Variants in CACNA1C observed in about 807,000 individuals in gnomAD.
CACNA1C encodes voltage-dependent L-type calcium channel subunit alpha-1C.
CACNA1C carries 30 observed loss-of-function variants against 229.0 expected under a neutral mutation model. The observed-to-expected ratio is 0.13, with a 90% CI of 0.10 to 0.18. The LOEUF (loss-of-function observed/expected upper bound fraction) is 0.18, where lower values mean the gene tolerates loss of function less well. CACNA1C is among the 10% of genes least tolerant of loss of function. The pLI is 1.00. For missense variants in CACNA1C, 1,658 were observed against 2,845.0 expected (o/e 0.58, Z 9.49); for synonymous variants, 1,114 against 1,132.5 (o/e 0.98, Z 0.33).
At chr12:2,199,137 A>G (rs1413921022) in intron 3 of CACNA1C, among the ~76,000 whole-genome samples, 3 of 150,458 alleles carry the variant, frequency 2.0e-5, no homozygotes, top group Non-Finnish European at 4.4e-5. Context: ...CATCCCCTCA[A>G]CTCCCCTCCC....
At chr12:2,335,811 A>G (rs2096674272) in intron 3 of CACNA1C, among the ~76,000 whole-genome samples, 1 of 152,224 alleles carries the variant, frequency 6.6e-6, no homozygotes, top group Non-Finnish European at 1.5e-5. Flanking sequence ...GGAGAGACGC[A>G]GGATGAAGAA....
intron 1 of CACNA1C, among the ~76,000 whole-genome samples, chr12:2,066,622 G>A (rs1413685957): frequency 1.3e-5 from 2 of 152,142 alleles, no homozygotes; most frequent in Non-Finnish European, 2.9e-5. Flanking sequence ...AGCACATGGG[G>A]ACCACTCTTT....
chr12:2,411,147 C>T (rs999479307), intron 3 of CACNA1C, among the ~76,000 whole-genome samples: 1 of 152,162 alleles, frequency 6.6e-6, no homozygotes, highest in Non-Finnish European at 1.5e-5. Flanking sequence ...AGCCTGCCTC[C>T]TCCCCACCTC....
At chr12:2,524,274 C>T (rs2099814888) in intron 9 of CACNA1C, among the ~76,000 whole-genome samples, 1 of 152,200 alleles carries the variant, frequency 6.6e-6, no homozygotes, top group Admixed American at 6.5e-5. Context: ...TAAGTCCCAA[C>T]AGGGCACCCA....
intron 3 of CACNA1C, among the ~76,000 whole-genome samples, chr12:2,439,171 A>T (rs1457718988): frequency 6.6e-6 from 1 of 152,140 alleles, no homozygotes; most frequent in Non-Finnish European, 1.5e-5. Context: ...CAGCCCTGGG[A>T]TAGAGGAGGT....
At chr12:2,377,078 T>C in intron 3 of CACNA1C, among the ~76,000 whole-genome samples, 1 of 151,874 alleles carries the variant, frequency 6.6e-6, no homozygotes, top group Middle Eastern at 3.2e-3. Context: ...GAGGGGCAGC[T>C]CCCCAGCTGG....
At chr12:2,164,767 G>A (rs1299231356) in intron 3 of CACNA1C, among the ~76,000 whole-genome samples, 1 of 152,200 alleles carries the variant, frequency 6.6e-6, no homozygotes, top group Non-Finnish European at 1.5e-5. Context: ...ACCTTGTTAA[G>A]TACCACTTTC....
chr12:2,572,358 C>T (rs2055339514), intron 13 of CACNA1C, among the ~76,000 whole-genome samples: 1 of 79,392 alleles, frequency 1.3e-5, no homozygotes, highest in African/African-American at 5.0e-5. Flanking sequence ...CTCCTCCTCT[C>T]CTCCTCCTTC....
intron 5 of CACNA1C, among the ~76,000 whole-genome samples, chr12:2,468,370 C>T (rs1186848875): frequency 1.3e-5 from 2 of 152,232 alleles, no homozygotes; most frequent in African/African-American, 4.8e-5. Flanking sequence ...CCTCCAACTA[C>T]AAGCAATATT....
chr12:2,457,767 C>G (rs746537936), intron 5 of CACNA1C, 61 bp downstream of exon 5: 2 of 1,391,554 alleles, frequency 1.4e-6, no homozygotes, highest in Non-Finnish European at 1.9e-6. Context: ...CTGTCCTTTG[C>G]TGAATTGCCA....
intron 3 of CACNA1C, among the ~76,000 whole-genome samples, chr12:2,267,384 A>G (rs970715722): frequency 1.3e-5 from 2 of 152,194 alleles, no homozygotes; most frequent in South Asian, 4.1e-4. Flanking sequence ...AGATCACTCA[A>G]CTAGGAACTA....
intron 1 of CACNA1C, among the ~76,000 whole-genome samples, chr12:2,065,937 G>A (rs1331475278): frequency 1.3e-5 from 2 of 152,166 alleles, no homozygotes; most frequent in Non-Finnish European, 2.9e-5. Flanking sequence ...GGGATAATGC[G>A]TGGAGCACCC....
Position 2,633,749 on chromosome 12 carries a change from A to G in CACNA1C, c.3829-548A>G, listed in dbSNP as rs542670081. ...TCTGCCCTCCCCAGGAAACCTCCTC[A>G]TTCCTCCTCCTCTGCCTCGTCTATT... is the stretch of plus-strand genomic sequence containing the variant. On this transcript the variant is annotated intron_variant, in intron 29 of 46. Transcript: ENST00000399655. This position sits in a 1 kb window ranked among gnomAD's most constrained non-coding sequence, Gnocchi z 5.8. The G allele has an allele frequency of 9.3e-7, 1 of 1,073,050 alleles. No individual in the cohort carries two copies. The highest frequency in any genetic ancestry group is 2.4e-5 in the East Asian group (1 of 41,902). 66.5% of individuals were successfully genotyped at this position (1,073,050 alleles called of 1,614,324 possible).
At chr12:2,142,835 C>G (rs2094380808) in intron 3 of CACNA1C, among the ~76,000 whole-genome samples, 1 of 151,236 alleles carries the variant, frequency 6.6e-6, no homozygotes, top group African/African-American at 2.4e-5. Flanking sequence ...TATTTTTGTA[C>G]AGCTATACAG....
intron 1 of CACNA1C, among the ~76,000 whole-genome samples, chr12:1,981,729 C>T (rs1055223470): frequency 7.2e-5 from 11 of 152,098 alleles, no homozygotes; most frequent in African/African-American, 2.7e-4. Flanking sequence ...ACATAAAAGA[C>T]ATATATGCTG....
chr12:2,349,513 G>A (rs930495284), intron 3 of CACNA1C, among the ~76,000 whole-genome samples: 3 of 152,166 alleles, frequency 2.0e-5, no homozygotes, highest in Non-Finnish European at 1.5e-5. Context: ...TTGAGTAGGG[G>A]CGCAGCATGC....
chr12:2,451,678 C>T (rs2099374720), intron 4 of CACNA1C, among the ~76,000 whole-genome samples: 1 of 152,188 alleles, frequency 6.6e-6, no homozygotes, highest in Non-Finnish European at 1.5e-5. Context: ...TCTGGACCCG[C>T]TTCATCCCTT....
At chr12:1,972,303 T>C (rs1419939822) in intron 1 of CACNA1C, among the ~76,000 whole-genome samples, 1 of 152,244 alleles carries the variant, frequency 6.6e-6, no homozygotes, top group Admixed American at 6.5e-5. Context: ...TATCTAATCA[T>C]ATATTTGTGT....
intron 1 of CACNA1C, among the ~76,000 whole-genome samples, chr12:2,080,334 G>T (rs1036960750): frequency 6.6e-6 from 1 of 152,106 alleles, no homozygotes; most frequent in Non-Finnish European, 1.5e-5. Context: ...GGGCGTGGTG[G>T]CCCATGCCTG....
Sources: gnomAD v4.1 joint callset for allele counts (sites outside exome capture counted in the v4.1 genomes callset) on GRCh38, gnomAD v4.1.1 for gene constraint, Gnocchi (gnomAD v3.1) non-coding constraint, MANE v1.5 for transcripts, NCBI Gene and HGNC (gene_info 2026-07-23, HGNC 2026-07-21) for gene names.